The following ZNF804B variants were observed in gnomAD, a reference collection of about 807,000 sequenced individuals.
ZNF804B encodes zinc finger protein 804B.
ZNF804B carries 80 observed loss-of-function variants against 101.4 expected under a neutral mutation model. The ratio of observed to expected loss-of-function variants is 0.79; its 90% CI spans 0.66 to 0.95. The LOEUF (loss-of-function observed/expected upper bound fraction) is 0.95, where lower values mean the gene tolerates loss of function less well. Ranked by LOEUF, ZNF804B falls within the 40% of genes least tolerant of loss-of-function variation. The pLI, the probability that ZNF804B is intolerant of heterozygous loss-of-function variation, is 0.00. For synonymous variants in ZNF804B, 622 were observed against 558.8 expected (o/e 1.11, Z -1.59); for missense variants, 1,673 against 1,561.9 (o/e 1.07, Z -1.20).
At chr7:88,866,433 C>T (rs1185345102) in intron 1 of ZNF804B, among the ~76,000 whole-genome samples, 1 of 152,146 alleles carries the variant, frequency 6.6e-6, no homozygotes, top group Non-Finnish European at 1.5e-5. Context: ...GAAAAGCTTC[C>T]ACTTTCTCTT....
chr7:89,267,190 T>C (rs1012881052), intron 2 of ZNF804B, among the ~76,000 whole-genome samples: 2 of 152,174 alleles, frequency 1.3e-5, no homozygotes, highest in African/African-American at 4.8e-5. Context: ...CCTCAAAATA[T>C]GAAATGCTTC....
intron 1 of ZNF804B, among the ~76,000 whole-genome samples, chr7:88,772,689 T>A (rs958160067): frequency 1.9e-4 from 29 of 152,310 alleles, no homozygotes; most frequent in Middle Eastern, 3.4e-3. Context: ...TAATTTCTGA[T>A]CTTGTTGAGT....
In ZNF804B at chr7:89,336,420, G is replaced by A. The variant is rs150972686; in HGVS notation, c.3438G>A (p.Gln1146=). ...HKSISPPLIQ[Q]PITFSPDEID... is the part of the protein sequence containing the mutation. Reference sequence around the variant, plus strand: ...CTATCTCTCCCCCTTTAATTCAACAGCCCATAACATTTTCTCCTGACGAAA... The same window carrying A: ...CTATCTCTCCCCCTTTAATTCAACAACCCATAACATTTTCTCCTGACGAAA... Residue 1146 remains glutamine (Q), a synonymous_variant, in exon 4 of 4, where the codon CAG becomes CAA. Coordinates refer to ENST00000333190, the MANE Select transcript of ZNF804B (RefSeq NM_181646.5). 1.4e-4 allele frequency: 226 copies of A among 1,614,054 alleles called. 2 individuals are homozygous for A. The Middle Eastern group carries it at 4.8e-3, about 34-fold the overall frequency.
intron 1 of ZNF804B, among the ~76,000 whole-genome samples, chr7:88,972,814 C>A (rs1163037210): frequency 1.3e-5 from 2 of 150,156 alleles, no homozygotes; most frequent in African/African-American, 2.4e-5. Flanking sequence ...GCCTTTAAGT[C>A]AAAAATAGAA....
intron 2 of ZNF804B, among the ~76,000 whole-genome samples, chr7:89,307,005 A>C (rs974436913): frequency 2.0e-5 from 3 of 152,034 alleles, no homozygotes; most frequent in Non-Finnish European, 4.4e-5. Context: ...AAAGGACTGC[A>C]TGCATCTGTT....
chr7:88,840,572 CA>C (rs1209043757), intron 1 of ZNF804B, among the ~76,000 whole-genome samples: 3 of 149,580 alleles, frequency 2.0e-5, no homozygotes, highest in African/African-American at 7.5e-5. Flanking sequence ...ACTCAGTAAA[CA>C]AGATTCTCAA....
At chr7:89,004,759 A>G (rs747614980) in intron 1 of ZNF804B, among the ~76,000 whole-genome samples, 4 of 151,976 alleles carry the variant, frequency 2.6e-5, no homozygotes, top group East Asian at 1.9e-4. Flanking sequence ...ATACTTAGGT[A>G]TGGAATATCA....
intron 1 of ZNF804B, among the ~76,000 whole-genome samples, chr7:89,133,711 ATAG>A (rs1003094080): frequency 1.3e-5 from 2 of 152,100 alleles, no homozygotes; most frequent in Non-Finnish European, 2.9e-5. Context: ...TTACAAGCAA[ATAG>A]TAGAAATAAA....
At chr7:89,145,839 A>G in intron 1 of ZNF804B, among the ~76,000 whole-genome samples, 1 of 151,980 alleles carries the variant, frequency 6.6e-6, no homozygotes, top group East Asian at 1.9e-4. Flanking sequence ...ATTTTTGGTT[A>G]GTTATATAAA....
intron 1 of ZNF804B, among the ~76,000 whole-genome samples, chr7:88,877,477 G>C (rs1039130822): frequency 6.6e-6 from 1 of 152,028 alleles, no homozygotes; most frequent in Non-Finnish European, 1.5e-5. Context: ...TTGAATTCCA[G>C]TCCCTCTTAT....
Position 89,333,758 on chromosome 7 carries a change from C to A in ZNF804B, c.776C>A (p.Thr259Asn). 1 of 1,613,326 alleles carries A rather than the reference C, an allele frequency of 6.2e-7. No individual in the cohort carries two copies. The highest frequency in any genetic ancestry group is 8.5e-7 in the Non-Finnish European group (1 of 1,179,746). Residue 259 changes from threonine to asparagine, a missense_variant, in exon 4 of 4, where the codon ACT becomes AAT. Transcript: ENST00000333190. ...NKSPIYKTKQTADKCKCCRFA... is the reference protein window; with the variant it reads ...NKSPIYKTKQNADKCKCCRFA... Reference sequence around the variant, plus strand: ...TCACCCATTTATAAAACAAAACAAACTGCAGATAAGTGCAAGTGCTGCAGG... The same window carrying A: ...TCACCCATTTATAAAACAAAACAAAATGCAGATAAGTGCAAGTGCTGCAGG...
intron 1 of ZNF804B, among the ~76,000 whole-genome samples, chr7:88,777,651 T>C (rs1253941327): frequency 1.3e-5 from 2 of 151,952 alleles, no homozygotes; most frequent in Non-Finnish European, 2.9e-5. Context: ...GAGATCAGCC[T>C]GGCCTGGCCA....
intron 1 of ZNF804B, among the ~76,000 whole-genome samples, chr7:89,101,818 A>G (rs1227165893): frequency 1.3e-5 from 2 of 151,806 alleles, no homozygotes; most frequent in Non-Finnish European, 2.9e-5. Context: ...TAAGTGTTGG[A>G]TATTATACCC....
intron 1 of ZNF804B, among the ~76,000 whole-genome samples, chr7:88,864,536 C>T (rs1791697441): frequency 6.6e-6 from 1 of 152,146 alleles, no homozygotes; most frequent in Non-Finnish European, 1.5e-5. Context: ...TTTGGAAAAT[C>T]CACCCCTAGA....
At position 89,334,609 on chromosome 7, in the gene ZNF804B, C is replaced by T. The variant is rs763779373; in HGVS notation, c.1627C>T (p.Pro543Ser). Residue 543 changes from proline to serine, a missense_variant, in exon 4 of 4, where the codon CCG becomes TCG. By Grantham distance (74) the Pro-to-Ser change is moderately conservative. Coordinates refer to ENST00000333190, the MANE Select transcript of ZNF804B (RefSeq NM_181646.5). Reference protein sequence around the residue: ...YPKPKTMIANPDWEKFQRKYN... With the variant: ...YPKPKTMIANSDWEKFQRKYN... ...GAAACCAAAGACGATGATAGCTAAT[C>T]CGGATTGGGAAAAATTCCAGAGGAA... 3 of 1,613,690 alleles carry T rather than the reference C, an allele frequency of 1.9e-6. No individual in the cohort carries two copies. The South Asian group carries it at 3.3e-5, about 18-fold the overall frequency.
chr7:89,158,831 G>A (rs1171890552), intron 1 of ZNF804B, among the ~76,000 whole-genome samples: 1 of 151,972 alleles, frequency 6.6e-6, no homozygotes, highest in African/African-American at 2.4e-5. Flanking sequence ...CTATCACATT[G>A]ATAGTCATTT....
At chr7:88,831,334 A>G (rs1791128994) in intron 1 of ZNF804B, among the ~76,000 whole-genome samples, 1 of 151,986 alleles carries the variant, frequency 6.6e-6, no homozygotes, top group Non-Finnish European at 1.5e-5. Flanking sequence ...TCTAACAGAC[A>G]TGATATTTTG....
intron 2 of ZNF804B, among the ~76,000 whole-genome samples, chr7:89,302,694 A>G (rs1353609582): frequency 2.0e-5 from 3 of 151,896 alleles, no homozygotes; most frequent in Non-Finnish European, 2.9e-5. Flanking sequence ...GAAATAGCCT[A>G]TAGTCTTCCA....
At chr7:89,080,951 C>G (rs541029742) in intron 1 of ZNF804B, among the ~76,000 whole-genome samples, 1 of 152,016 alleles carries the variant, frequency 6.6e-6, no homozygotes, top group East Asian at 1.9e-4. Flanking sequence ...ATAATTTTCT[C>G]CACACTGAAA....
Sources: allele counts gnomAD v4.1 joint callset (sites outside exome capture counted in the v4.1 genomes callset), GRCh38; gene constraint gnomAD v4.1.1; transcripts MANE v1.5; gene names NCBI Gene and HGNC (gene_info 2026-07-23, HGNC 2026-07-21).